Variants in DNAH10 observed in about 807,000 individuals in gnomAD.
The protein encoded by DNAH10 is axonemal beta dynein heavy chain 10.
DNAH10 carries 348 observed loss-of-function variants against 506.6 expected under a neutral mutation model. The ratio of observed to expected loss-of-function variants is 0.69; its 90% CI spans 0.63 to 0.75. The LOEUF (loss-of-function observed/expected upper bound fraction) is 0.75. Among genes scored for constraint, DNAH10 ranks in the 30% least tolerant of loss-of-function variants. DNAH10 has a pLI of 0.00. For missense variants in DNAH10, 5,179 were observed against 5,787.1 expected (o/e 0.89, Z 3.41); for synonymous variants, 2,059 against 2,198.6 (o/e 0.94, Z 1.78).
At position 123,846,607 on chromosome 12, in the gene DNAH10, G is replaced by A. The variant is rs1565984805; in HGVS notation, c.5814+453G>A. On this transcript the variant is annotated intron_variant, in intron 32 of 78. Transcript: ENST00000673944. The surrounding 1 kb of genome is among the most constrained non-coding windows in gnomAD (Gnocchi z 4.5). The stretch of plus-strand genomic sequence containing the variant: ...AAGATAACACTTCCATCCAGGCAGA[G>A]CTTGGGAAGGTTTGCAAGCAACCCC... Among the ~76,000 whole-genome samples, 1 of 152,198 alleles carries A rather than the reference G, an allele frequency of 6.6e-6. No individual in the cohort carries two copies.
At chr12:123,908,337 A>G (rs1423341516) in intron 57 of DNAH10, 1 of 454,120 alleles carries the variant, frequency 2.2e-6, no homozygotes, top group Non-Finnish European at 4.4e-6. Context: ...GGCTCACCCC[A>G]GCCTCCTACC....
At chr12:123,885,479 T>C (rs948430287) in intron 51 of DNAH10, among the ~76,000 whole-genome samples, 5 of 152,192 alleles carry the variant, frequency 3.3e-5, no homozygotes, top group African/African-American at 1.2e-4. Context: ...CATTTTTTTT[T>C]CCCTATAGGA....
Position 123,853,422 on chromosome 12 carries a change from GGT to G in DNAH10, c.6438+72_6438+73del. On this transcript the variant is annotated intron_variant, in intron 36 of 78. Transcript: ENST00000673944. This position sits in a 1 kb window ranked among gnomAD's most constrained non-coding sequence, Gnocchi z 4.7. ...GGCATTTACTACGTGCCATTGGGGA[GGT>G]GATGGGCACAGTATGGTATCACCTG... The G allele has an allele frequency of 6.5e-7, 1 of 1,539,778 alleles. No homozygotes were observed. The highest frequency in any genetic ancestry group is 8.8e-7 in the Non-Finnish European group (1 of 1,141,000).
chr12:123,780,442 A>C (rs1451049768), intron 5 of DNAH10, among the ~76,000 whole-genome samples: 1 of 151,168 alleles, frequency 6.6e-6, no homozygotes, highest in African/African-American at 2.4e-5. Flanking sequence ...CTGGGATTAC[A>C]GGCATGAGCC....
chr12:123,844,364 C>G (rs375596954), intron 30 of DNAH10, among the ~76,000 whole-genome samples: 1 of 152,190 alleles, frequency 6.6e-6, no homozygotes, highest in East Asian at 1.9e-4. Context: ...AGCTCTGAGT[C>G]CATTATTTTT....
intron 56 of DNAH10, 101 bp downstream of exon 56, chr12:123,898,915 G>T: frequency 1.4e-6 from 2 of 1,431,210 alleles, no homozygotes; most frequent in Non-Finnish European, 1.8e-6. Flanking sequence ...GCAGGACAGG[G>T]CTCTGCCAGG....
chr12:123,841,646 G>T, intron 30 of DNAH10, 101 bp downstream of exon 30: 1 of 1,223,036 alleles, frequency 8.2e-7, no homozygotes, highest in Non-Finnish European at 1.1e-6. Context: ...TCCAAATGAG[G>T]TTTTGTTTTT....
Position 123,850,641 on chromosome 12 carries a change from C to G in DNAH10, c.6103-247C>G, listed in dbSNP as rs1170582921. On this transcript the variant is annotated intron_variant, in intron 34 of 78. Coordinates refer to ENST00000673944, the MANE Select transcript of DNAH10 (RefSeq NM_001372106.1). This position sits in a 1 kb window ranked among gnomAD's most constrained non-coding sequence, Gnocchi z 5.5. ...ACTCTGTGCTTCGCCAACCTGGGCC[C>G]CTTCTCCAAGGTAGTGCCCTGGGTT... Among the ~76,000 whole-genome samples, 1 of 152,214 alleles carries G rather than the reference C, an allele frequency of 6.6e-6. No homozygotes were observed. Among genetic ancestry groups the G allele is most frequent in the African/African-American group, 2.4e-5 (1 of 41,456 alleles).
chr12:123,915,450 C>G (rs551768141), intron 62 of DNAH10, among the ~76,000 whole-genome samples: 21 of 152,284 alleles, frequency 1.4e-4, no homozygotes, highest in Admixed American at 7.8e-4. Context: ...ATACCAATCA[C>G]CAGAGTCAGT....
At chr12:123,803,964 C>A in intron 17 of DNAH10, 139 bp downstream of exon 17, 1 of 775,338 alleles carries the variant, frequency 1.3e-6, no homozygotes, top group Non-Finnish European at 1.9e-6. Context: ...ATTTCTAATG[C>A]TCTCAGTCAT....
intron 1 of DNAH10, among the ~76,000 whole-genome samples, chr12:123,766,899 T>A (rs1176256512): frequency 7.1e-6 from 1 of 140,544 alleles, no homozygotes; most frequent in Non-Finnish European, 1.5e-5. Context: ...TTCTTTTCTT[T>A]TCTTTTTTCT....
chr12:123,803,577 G>C, intron 16 of DNAH10, 84 bp from the exon 17 acceptor site: 1 of 1,317,392 alleles, frequency 7.6e-7, no homozygotes, highest in South Asian at 1.6e-5. Flanking sequence ...AGGGATGCCA[G>C]TATTAACATC....
chr12:123,843,570 CTTAT>C (rs60298628), intron 30 of DNAH10, among the ~76,000 whole-genome samples: 11 of 151,670 alleles, frequency 7.3e-5, no homozygotes, highest in African/African-American at 1.7e-4. Flanking sequence ...GCTTTTCCTA[CTTAT>C]TTATTTATTT....
intron 30 of DNAH10, among the ~76,000 whole-genome samples, chr12:123,844,089 A>G (rs1055228069): frequency 6.6e-6 from 1 of 152,230 alleles, no homozygotes; most frequent in African/African-American, 2.4e-5. Context: ...ACTTACAGTC[A>G]TGGCGGAAGA....
intron 30 of DNAH10, 106 bp downstream of exon 30, chr12:123,841,651 GT>G: frequency 4.5e-6 from 5 of 1,114,454 alleles, no homozygotes; most frequent in Admixed American, 2.4e-5. Context: ...ATGAGGTTTT[GT>G]TTTTTTGCAA....
chr12:123,846,195 G>T lies in DNAH10; in HGVS notation c.5814+41G>T, dbSNP rs1396286138. On this transcript the variant is annotated intron_variant, in intron 32 of 78. Transcript: ENST00000673944. The surrounding 1 kb of genome is among the most constrained non-coding windows in gnomAD (Gnocchi z 4.5). The stretch of plus-strand genomic sequence containing the variant: ...GCACTTGTGGTTACCACTTACCTTG[G>T]GGCGGGGCATTTTCTCTAAGCTTGA... 1 of 1,580,208 alleles carries T rather than the reference G, an allele frequency of 6.3e-7. No homozygotes were observed.
chr12:123,864,240 G>A (rs141193534), intron 39 of DNAH10, among the ~76,000 whole-genome samples: 1,841 of 149,284 alleles, frequency 0.012, 9 homozygotes, highest in Non-Finnish European at 0.019. Flanking sequence ...GTGCCTCCTG[G>A]GTTCATGCGA....
Position 123,803,697 on chromosome 12 carries a change from T to C in DNAH10, c.2651T>C (p.Ile884Thr), listed in dbSNP as rs1958554976. ...GDYITGCKQA[I>T]GKFESLVHQI... ...TATATAACTGGTTGCAAACAGGCCA[T>C]TGGGAAATTTGAGTCTCTCGTCCAC... The change falls in exon 17 of 79, where the codon ATT (isoleucine) becomes ACT (threonine). Residue 884 changes from isoleucine to threonine, a missense_variant. Around this residue, in one of 3 missense-constraint regions of DNAH10, gnomAD observed 4,844 missense variants for 5,430.5 expected, o/e 0.89. Transcript: ENST00000673944. 8.7e-6 allele frequency: 14 copies of C among 1,608,102 alleles called. No individual in the cohort carries two copies. Among genetic ancestry groups the C allele is most frequent in the African/African-American group, 1.3e-5 (1 of 74,452 alleles).
chr12:123,786,369 T>C (rs1343351505), intron 9 of DNAH10, among the ~76,000 whole-genome samples: 1 of 149,816 alleles, frequency 6.7e-6, no homozygotes, highest in Non-Finnish European at 1.5e-5. Flanking sequence ...ATTCACAGAA[T>C]TGTGCAGCCG....
Sources: allele counts gnomAD v4.1 joint callset (sites outside exome capture counted in the v4.1 genomes callset), GRCh38; gene constraint gnomAD v4.1.1; regional missense constraint gnomAD v4.1.1; non-coding constraint Gnocchi (gnomAD v3.1); transcripts MANE v1.5; gene names NCBI Gene and HGNC (gene_info 2026-07-23, HGNC 2026-07-21).